LAMA3: variants seen among roughly 807,000 people sequenced by gnomAD.
The protein encoded by LAMA3 is laminin subunit alpha 3.
A neutral mutation model predicts 402.0 loss-of-function variants in LAMA3; 281 were observed. The observed-to-expected ratio is 0.70, with a 90% CI of 0.63 to 0.77. LAMA3 has a LOEUF of 0.77. Among genes scored for constraint, LAMA3 ranks in the 30% least tolerant of loss-of-function variants. The pLI, the probability that LAMA3 is intolerant of heterozygous loss-of-function variation, is 0.00. For synonymous variants in LAMA3, 1,431 were observed against 1,558.4 expected, an observed-to-expected ratio of 0.92 and a Z score of 1.93; for missense variants, 3,840 against 4,215.5, an observed-to-expected ratio of 0.91 and a Z score of 2.47.
chr18:23,910,461 C>G (rs1176686485), intron 55 of LAMA3, among the ~76,000 whole-genome samples: 2 of 152,204 alleles, frequency 1.3e-5, no homozygotes, highest in East Asian at 3.8e-4. Context: ...GCCTGGTTGG[C>G]ATTGGCACTT....
intron 17 of LAMA3, 94 bp from the exon 18 acceptor site, chr18:23,816,294 C>A: frequency 1.1e-6 from 1 of 900,940 alleles, no homozygotes; most frequent in Non-Finnish European, 1.8e-6. Context: ...CACTGTGTCA[C>A]TGGGATGGTC....
At chr18:23,801,345 T>C (rs552333593) in intron 12 of LAMA3, among the ~76,000 whole-genome samples, 1 of 152,236 alleles carries the variant, frequency 6.6e-6, no homozygotes, top group South Asian at 2.1e-4. Flanking sequence ...ACCTATCAGG[T>C]ACTATGCTCA....
intron 12 of LAMA3, among the ~76,000 whole-genome samples, chr18:23,792,801 G>A (rs1395840534): frequency 6.6e-6 from 1 of 152,176 alleles, no homozygotes; most frequent in Non-Finnish European, 1.5e-5. Context: ...CAAATATGGG[G>A]GAATCCAGGT....
chr18:23,935,853 C>T (rs1314290949), intron 67 of LAMA3, among the ~76,000 whole-genome samples: 1 of 152,008 alleles, frequency 6.6e-6, no homozygotes, highest in African/African-American at 2.4e-5. Context: ...ATTTTCCTAC[C>T]ATGGGAATCA....
At chr18:23,733,014 CCT>C (rs2061418084) in intron 2 of LAMA3, among the ~76,000 whole-genome samples, 1 of 152,004 alleles carries the variant, frequency 6.6e-6, no homozygotes, top group South Asian at 2.1e-4. Context: ...GCCCACTTAT[CCT>C]CTCTTGACCT....
intron 12 of LAMA3, among the ~76,000 whole-genome samples, chr18:23,792,491 A>G (rs2062678767): frequency 1.3e-5 from 2 of 152,112 alleles, no homozygotes; most frequent in African/African-American, 4.8e-5. Flanking sequence ...GCATTAATCT[A>G]CTCATGAGGA....
At chr18:23,860,020 T>G (rs2064176614) in intron 34 of LAMA3, among the ~76,000 whole-genome samples, 1 of 152,162 alleles carries the variant, frequency 6.6e-6, no homozygotes, top group South Asian at 2.1e-4. Context: ...TCAGGAACTG[T>G]GGACTAAGAC....
At chr18:23,933,758 C>A in intron 66 of LAMA3, 24 bp from the exon 67 acceptor site, 2 of 1,613,610 alleles carry the variant, frequency 1.2e-6, no homozygotes, top group Non-Finnish European at 1.7e-6. Context: ...TTGGCAGCAT[C>A]TTTCATTTCT....
At chr18:23,920,819 C>A (rs1240918378) in intron 60 of LAMA3, 116 bp from the exon 61 acceptor site, 7 of 1,260,978 alleles carry the variant, frequency 5.6e-6, no homozygotes, top group Non-Finnish European at 8.0e-6. Flanking sequence ...TCCCTTTTCA[C>A]TGAGGCAGCA....
At chr18:23,930,379 C>G (rs182553688) in intron 64 of LAMA3, among the ~76,000 whole-genome samples, 1 of 152,078 alleles carries the variant, frequency 6.6e-6, no homozygotes, top group Non-Finnish European at 1.5e-5. Flanking sequence ...ATTGAGGAAT[C>G]GAGTCTTTGC....
chr18:23,829,190 A>C (rs1344580043), intron 23 of LAMA3, among the ~76,000 whole-genome samples: 1 of 152,236 alleles, frequency 6.6e-6, no homozygotes, highest in Admixed American at 6.5e-5. Flanking sequence ...CCACCAAAAC[A>C]GTTACAAAAC....
At chr18:23,756,285 C>G (rs2061841126) in intron 6 of LAMA3, among the ~76,000 whole-genome samples, 1 of 151,968 alleles carries the variant, frequency 6.6e-6, no homozygotes, top group Non-Finnish European at 1.5e-5. Context: ...CAGCCAAGAG[C>G]CTTCTTAGAC....
Position 23,821,960 on chromosome 18 carries a change from T to G in LAMA3, c.2305-292T>G, listed in dbSNP as rs12957168. 0.44 allele frequency among the ~76,000 whole-genome samples: 66,643 copies of G among 152,098 alleles called. 17,909 individuals carry two copies. The highest frequency in any genetic ancestry group is 0.61 in the Non-Finnish European group (41,528 of 67,942). Reference sequence around the variant, plus strand: ...TTTCTTAAACTAGCCCATCTAATACTCCACTCTGTCTGCCTGATTACAAAA... The same window carrying G: ...TTTCTTAAACTAGCCCATCTAATACGCCACTCTGTCTGCCTGATTACAAAA... On this transcript the variant is annotated intron_variant, in intron 19 of 74. Transcript: ENST00000313654.
At chr18:23,848,724 C>T (rs2063878555) in intron 32 of LAMA3, among the ~76,000 whole-genome samples, 1 of 152,160 alleles carries the variant, frequency 6.6e-6, no homozygotes, top group Non-Finnish European at 1.5e-5. Context: ...CTGCCATTAA[C>T]GAATGCCACA....
intron 24 of LAMA3, chr18:23,834,257 C>CTT (rs1419796604): frequency 4.5e-6 from 2 of 442,646 alleles, no homozygotes; most frequent in Non-Finnish European, 8.4e-6. Context: ...ACAGCACAAC[C>CTT]TTTTTATTTG....
intron 23 of LAMA3, among the ~76,000 whole-genome samples, chr18:23,827,683 A>C (rs909774928): frequency 7.2e-5 from 11 of 152,132 alleles, no homozygotes; most frequent in African/African-American, 1.2e-4. Context: ...CACTTTCTAG[A>C]CATGGCAGGG....
Position 23,943,892 on chromosome 18 carries a change from T to A in LAMA3, c.9131T>A (p.Leu3044Gln), listed in dbSNP as rs1377726257. 1.2e-6 allele frequency: 2 copies of A among 1,613,972 alleles called. No homozygotes were observed. The highest frequency in any genetic ancestry group is 1.7e-6 in the Non-Finnish European group (2 of 1,179,924). Residue 3044 changes from leucine to glutamine, a missense_variant, in exon 69 of 75, where the codon CTG becomes CAG. Around this residue, in one of 3 missense-constraint regions of LAMA3, gnomAD observed 840 missense variants for 981.9 expected, o/e 0.86. Coordinates refer to ENST00000313654, the MANE Select transcript of LAMA3 (RefSeq NM_198129.4). ...GCTCTTTATCTTTCAAAAGGACGTC[T>A]GGTCTTTGCACTGGGGACAGATGGG... ...FMALYLSKGR[L>Q]VFALGTDGKK...
chr18:23,735,988 G>C (rs7227804), intron 2 of LAMA3, among the ~76,000 whole-genome samples: 64,246 of 151,860 alleles, frequency 0.42, 17,914 homozygotes, highest in East Asian at 0.84. Flanking sequence ...TTTCTTATTT[G>C]TTAATTGGTT....
At chr18:23,821,611 A>G (rs1201996309) in intron 19 of LAMA3, among the ~76,000 whole-genome samples, 7 of 152,188 alleles carry the variant, frequency 4.6e-5, no homozygotes, top group African/African-American at 1.2e-4. Flanking sequence ...TTTACAGAAT[A>G]TTGTGTGAGC....
Sources: gnomAD v4.1 joint callset for allele counts (sites outside exome capture counted in the v4.1 genomes callset) on GRCh38, gnomAD v4.1.1 for gene constraint, gnomAD v4.1.1 regional missense constraint, MANE v1.5 for transcripts, NCBI Gene and HGNC (gene_info 2026-07-23, HGNC 2026-07-21) for gene names.